Variants in CAMK4 observed in about 807,000 individuals in gnomAD.
CAMK4 encodes calcium/calmodulin-dependent protein kinase type IV.
A neutral mutation model predicts 44.9 loss-of-function variants in CAMK4; 22 were observed. The observed-to-expected ratio is 0.49, with a 90% confidence interval of 0.35 to 0.70. CAMK4 has a LOEUF of 0.70. Ranked by LOEUF, CAMK4 falls within the 30% of genes least tolerant of loss-of-function variation. The probability of loss-of-function intolerance (pLI) is 0.01; values close to 1 mark genes in which losing one functional copy is unlikely to be tolerated. For missense variants in CAMK4, 498 were observed against 586.8 expected, an observed-to-expected ratio of 0.85 and a Z score of 1.56; for synonymous variants, 218 against 215.4, an observed-to-expected ratio of 1.01 and a Z score of -0.11.
intron 7 of CAMK4, among the ~76,000 whole-genome samples, chr5:111,456,414 C>T (rs1754418195): frequency 1.3e-5 from 2 of 151,890 alleles, no homozygotes; most frequent in African/African-American, 4.8e-5. Context: ...TGGCGTGAAC[C>T]CAGGAGGCGG....
chr5:111,451,999 A>G (rs1754255153), intron 7 of CAMK4, among the ~76,000 whole-genome samples: 2 of 152,246 alleles, frequency 1.3e-5, no homozygotes, highest in African/African-American at 4.8e-5. Flanking sequence ...GTACTCTTCT[A>G]TGTCTCCTTG....
chr5:111,280,712 G>A (rs1750973638), intron 1 of CAMK4, among the ~76,000 whole-genome samples: 1 of 152,212 alleles, frequency 6.6e-6, no homozygotes, highest in South Asian at 2.1e-4. Context: ...TAAACAGATG[G>A]TAACTGTGAC....
At chr5:111,466,637 C>T (rs1754844964) in intron 7 of CAMK4, among the ~76,000 whole-genome samples, 1 of 152,082 alleles carries the variant, frequency 6.6e-6, no homozygotes. Flanking sequence ...ACAAACCTAG[C>T]CAAGGACATG....
intron 5 of CAMK4, among the ~76,000 whole-genome samples, chr5:111,422,699 T>C (rs1315412164): frequency 6.6e-6 from 1 of 152,204 alleles, no homozygotes; most frequent in Non-Finnish European, 1.5e-5. Context: ...TAATCAAAGG[T>C]CCTACCCTCT....
At chr5:111,277,039 C>T (rs1233169532) in intron 1 of CAMK4, among the ~76,000 whole-genome samples, 1 of 152,160 alleles carries the variant, frequency 6.6e-6, no homozygotes, top group Non-Finnish European at 1.5e-5. Flanking sequence ...CCCCACTTGA[C>T]TGAATTTCCA....
chr5:111,257,976 G>A, intron 1 of CAMK4, among the ~76,000 whole-genome samples: 1 of 152,144 alleles, frequency 6.6e-6, no homozygotes, highest in African/African-American at 2.4e-5. Flanking sequence ...TACCATCTCA[G>A]GGGAACAACA....
intron 8 of CAMK4, among the ~76,000 whole-genome samples, chr5:111,475,760 G>T (rs965820536): frequency 3.9e-5 from 6 of 152,162 alleles, no homozygotes; most frequent in Non-Finnish European, 8.8e-5. Flanking sequence ...AATTGGTGAA[G>T]TCCACTGGCA....
At chr5:111,291,688 T>C (rs1000084723) in intron 1 of CAMK4, among the ~76,000 whole-genome samples, 1 of 152,116 alleles carries the variant, frequency 6.6e-6, no homozygotes, top group Admixed American at 6.5e-5. Context: ...TTTTTAATTT[T>C]TTTTGTGGAG....
At chr5:111,316,909 C>G (rs1195682956) in intron 1 of CAMK4, among the ~76,000 whole-genome samples, 1 of 152,110 alleles carries the variant, frequency 6.6e-6, no homozygotes, top group Non-Finnish European at 1.5e-5. Context: ...CATTTGACCT[C>G]TACACTAAAA....
At chr5:111,227,806 T>G (rs1259553358) in intron 1 of CAMK4, among the ~76,000 whole-genome samples, 1 of 152,248 alleles carries the variant, frequency 6.6e-6, no homozygotes, top group African/African-American at 2.4e-5. Context: ...TTGAAGACAC[T>G]GTTTTGTTCA....
intron 1 of CAMK4, among the ~76,000 whole-genome samples, chr5:111,248,833 T>A (rs1339913005): frequency 6.6e-6 from 1 of 152,068 alleles, no homozygotes; most frequent in East Asian, 1.9e-4. Context: ...AATCAAATCA[T>A]GTTGTGGTTA....
intron 4 of CAMK4, among the ~76,000 whole-genome samples, chr5:111,379,467 G>T (rs768297108): frequency 6.6e-6 from 1 of 152,116 alleles, no homozygotes; most frequent in African/African-American, 2.4e-5. Context: ...GGTTTTAAAA[G>T]ATAGACTCTT....
intron 1 of CAMK4, among the ~76,000 whole-genome samples, chr5:111,234,699 A>G (rs1291488244): frequency 6.6e-6 from 1 of 152,186 alleles, no homozygotes; most frequent in African/African-American, 2.4e-5. Flanking sequence ...TTGTTAAGTC[A>G]TGTTTCAGGG....
intron 7 of CAMK4, among the ~76,000 whole-genome samples, chr5:111,456,165 T>G (rs1441183244): frequency 1.3e-5 from 2 of 152,090 alleles, no homozygotes; most frequent in African/African-American, 4.8e-5. Context: ...TTACTACATC[T>G]CTGCCACAGT....
At chr5:111,404,770 T>A (rs1752355055) in intron 5 of CAMK4, among the ~76,000 whole-genome samples, 1 of 152,140 alleles carries the variant, frequency 6.6e-6, no homozygotes, top group Non-Finnish European at 1.5e-5. Context: ...ATTGTTAAGG[T>A]TTTTCTGGGG....
chr5:111,335,561 C>G (rs1217153805), intron 1 of CAMK4, among the ~76,000 whole-genome samples: 1 of 151,220 alleles, frequency 6.6e-6, no homozygotes, highest in African/African-American at 2.4e-5. Context: ...AAAAGTTATT[C>G]CATATGAATT....
At chr5:111,469,253 C>T (rs1214330682) in intron 7 of CAMK4, among the ~76,000 whole-genome samples, 2 of 131,088 alleles carry the variant, frequency 1.5e-5, no homozygotes, top group South Asian at 2.6e-4. Context: ...GGTGTTTTGA[C>T]TTTGTTTCAC....
At chr5:111,411,393 G>A (rs1178167504) in intron 5 of CAMK4, among the ~76,000 whole-genome samples, 6 of 152,194 alleles carry the variant, frequency 3.9e-5, no homozygotes, top group Non-Finnish European at 8.8e-5. Flanking sequence ...TGGGCTAAAG[G>A]CAGCAGGATC....
intron 1 of CAMK4, among the ~76,000 whole-genome samples, chr5:111,323,854 G>T (rs78376554): frequency 2.8e-4 from 43 of 152,142 alleles, no homozygotes; most frequent in African/African-American, 1.0e-3. Context: ...GGTAATATGA[G>T]AGACACATTT....
Sources: allele counts gnomAD v4.1 joint callset (sites outside exome capture counted in the v4.1 genomes callset), GRCh38; gene constraint gnomAD v4.1.1; transcripts MANE v1.5; gene names NCBI Gene and HGNC (gene_info 2026-07-23, HGNC 2026-07-21).